The following KCNJ3 variants were observed in gnomAD, a reference collection of about 807,000 sequenced individuals.
The protein encoded by KCNJ3 is potassium inwardly rectifying channel subfamily J member 3, also known as G protein-activated inward rectifier potassium channel 1.
Under a neutral mutation model 39.2 loss-of-function variants are expected in KCNJ3, and 4 were observed. The ratio of observed to expected loss-of-function variants is 0.10; its 90% CI spans 0.05 to 0.23. The LOEUF (loss-of-function observed/expected upper bound fraction) is 0.23, where lower values mean the gene tolerates loss of function less well. Among genes scored for constraint, KCNJ3 ranks in the 10% least tolerant of loss-of-function variants. The pLI is 1.00. For missense variants in KCNJ3, 276 were observed against 634.9 expected, an observed-to-expected ratio of 0.43 and a Z score of 6.08; for synonymous variants, 230 against 237.4, an observed-to-expected ratio of 0.97 and a Z score of 0.29.
intron 2 of KCNJ3, among the ~76,000 whole-genome samples, chr2:154,755,122 A>G (rs549548507): frequency 2.6e-5 from 4 of 152,168 alleles, no homozygotes; most frequent in Admixed American, 1.3e-4. Flanking sequence ...GTGTATTTTT[A>G]ACCTTTTTCT....
chr2:154,787,903 A>G (rs1001937125), intron 2 of KCNJ3, among the ~76,000 whole-genome samples: 23 of 152,142 alleles, frequency 1.5e-4, no homozygotes, highest in African/African-American at 5.1e-4. Flanking sequence ...TTTTATGACA[A>G]TTATTTAACC....
At chr2:154,845,109 A>G (rs982069126) in intron 2 of KCNJ3, among the ~76,000 whole-genome samples, 2 of 152,052 alleles carry the variant, frequency 1.3e-5, no homozygotes, top group Non-Finnish European at 2.9e-5. Flanking sequence ...AATTTATTCT[A>G]TTTTTCTTTT....
rs186187798 is a variant in KCNJ3, at chr2:154,778,208, T to C, written c.919+68389T>C. ...GTTTTTATGACCAAATGCTTATTTG[T>C]AGTTTCACTACTGAAACTCATATTT... On this transcript the variant is annotated intron_variant, in intron 2 of 2. Transcript: ENST00000295101. Among the ~76,000 whole-genome samples the C allele has an allele frequency of 1.2e-4, 18 of 152,304 alleles. No homozygotes were observed. The East Asian group carries it at 2.1e-3, about 18-fold the overall frequency.
chr2:154,794,124 T>C (rs925109324), intron 2 of KCNJ3, among the ~76,000 whole-genome samples: 12 of 151,968 alleles, frequency 7.9e-5, no homozygotes, highest in Non-Finnish European at 1.6e-4. Context: ...TAATATATTC[T>C]ATAATTTTAT....
chr2:154,844,409 C>T (rs1687631525), intron 2 of KCNJ3, among the ~76,000 whole-genome samples: 1 of 152,174 alleles, frequency 6.6e-6, no homozygotes. Context: ...GAGACAGGGA[C>T]CAACTTGAGG....
chr2:154,805,147 A>G (rs1686887759), intron 2 of KCNJ3, among the ~76,000 whole-genome samples: 1 of 152,126 alleles, frequency 6.6e-6, no homozygotes, highest in Non-Finnish European at 1.5e-5. Flanking sequence ...TGTTCAAAAG[A>G]GGTGAATTTA....
At chr2:154,768,982 CTGTT>C (rs1387421917) in intron 2 of KCNJ3, among the ~76,000 whole-genome samples, 1 of 152,100 alleles carries the variant, frequency 6.6e-6, no homozygotes, top group African/African-American at 2.4e-5. Flanking sequence ...ATTTGGCTCT[CTGTT>C]TGTCTGTTAT....
At chr2:154,823,709 C>A (rs1687221679) in intron 2 of KCNJ3, among the ~76,000 whole-genome samples, 1 of 152,098 alleles carries the variant, frequency 6.6e-6, no homozygotes, top group South Asian at 2.1e-4. Flanking sequence ...TCTTACTCAG[C>A]CCAATTTAAA....
At chr2:154,726,523 T>C (rs1467762416) in intron 2 of KCNJ3, among the ~76,000 whole-genome samples, 1 of 152,084 alleles carries the variant, frequency 6.6e-6, no homozygotes, top group African/African-American at 2.4e-5. Flanking sequence ...GAATGTAAAC[T>C]AGTACAACCA....
chr2:154,728,934 G>A (rs1685404925), intron 2 of KCNJ3, among the ~76,000 whole-genome samples: 1 of 152,018 alleles, frequency 6.6e-6, no homozygotes, highest in African/African-American at 2.4e-5. Flanking sequence ...AGTGGGTTTA[G>A]CACATTATCT....
intron 2 of KCNJ3, among the ~76,000 whole-genome samples, chr2:154,724,408 A>AT (rs1685314708): frequency 6.6e-6 from 1 of 152,052 alleles, no homozygotes; most frequent in Non-Finnish European, 1.5e-5. Context: ...ATTCTGCCCT[A>AT]TTTTTTGAAC....
Position 154,723,388 on chromosome 2 carries a change from C to T in KCNJ3, c.919+13569C>T, listed in dbSNP as rs961668743. On this transcript the variant is annotated intron_variant, in intron 2 of 2. Coordinates refer to ENST00000295101, the MANE Select transcript of KCNJ3 (RefSeq NM_002239.4). The stretch of plus-strand genomic sequence containing the variant: ...GTATACGAAGAGGAATAAGATTAAA[C>T]AGTAAGGTGTAAGCTAGAAATGTAT... 6.6e-5 allele frequency among the ~76,000 whole-genome samples: 10 copies of T among 152,206 alleles called. No homozygotes were observed. The South Asian group carries it at 2.1e-3, about 32-fold the overall frequency.
chr2:154,854,921 A>T lies in KCNJ3; in HGVS notation c.1114A>T (p.Ile372Leu), dbSNP rs1239173978. The T allele has an allele frequency of 1.2e-6, 2 of 1,613,930 alleles. No individual in the cohort carries two copies. The highest frequency in any genetic ancestry group is 2.7e-5 in the African/African-American group (2 of 74,908). ...EEMLLMSSPL[I>L]APAITNSKER... ...AATGCTTCTCATGTCGTCCCCTTTA[A>T]TAGCACCAGCCATAACTAACAGCAA... Residue 372 changes from isoleucine to leucine, a missense_variant, in exon 3 of 3, where the codon ATA becomes TTA. Ile to Leu is a conservative substitution (Grantham distance 5). Around this residue, in one of 4 missense-constraint regions of KCNJ3, gnomAD observed 126 missense variants for 179.8 expected, o/e 0.70. Coordinates refer to ENST00000295101, the MANE Select transcript of KCNJ3 (RefSeq NM_002239.4).
At chr2:154,734,561 G>A (rs183411527) in intron 2 of KCNJ3, among the ~76,000 whole-genome samples, 9 of 152,294 alleles carry the variant, frequency 5.9e-5, no homozygotes. Flanking sequence ...ATCTGTTGAT[G>A]GCTAGAATGG....
chr2:154,709,283 TCAAGCAGCAG>T, intron 1 of KCNJ3: 1 of 366,272 alleles, frequency 2.7e-6, no homozygotes, highest in Non-Finnish European at 5.1e-6. Flanking sequence ...GTGATTGCTG[TCAAGCAGCAG>T]CACATGCACA....
At chr2:154,726,612 A>G (rs1360217780) in intron 2 of KCNJ3, among the ~76,000 whole-genome samples, 1 of 152,158 alleles carries the variant, frequency 6.6e-6, no homozygotes, top group African/African-American at 2.4e-5. Flanking sequence ...ACTACTGGGT[A>G]TCTACTCAGA....
intron 2 of KCNJ3, among the ~76,000 whole-genome samples, chr2:154,836,734 A>G (rs752415272): frequency 2.0e-5 from 3 of 152,236 alleles, no homozygotes; most frequent in Admixed American, 6.5e-5. Flanking sequence ...TATAAATAGC[A>G]TAAAAGAAAA....
At chr2:154,751,865 A>C (rs1685850511) in intron 2 of KCNJ3, among the ~76,000 whole-genome samples, 1 of 151,870 alleles carries the variant, frequency 6.6e-6, no homozygotes, top group African/African-American at 2.4e-5. Context: ...TGTGCAACCT[A>C]ATCTTCTCTT....
At chr2:154,815,839 T>C (rs1054751034) in intron 2 of KCNJ3, among the ~76,000 whole-genome samples, 2 of 152,212 alleles carry the variant, frequency 1.3e-5, no homozygotes, top group Non-Finnish European at 2.9e-5. Flanking sequence ...TTTCATTTAC[T>C]GTCCTTTTGC....
Sources: allele counts gnomAD v4.1 joint callset (sites outside exome capture counted in the v4.1 genomes callset), GRCh38; gene constraint gnomAD v4.1.1; regional missense constraint gnomAD v4.1.1; transcripts MANE v1.5; gene names NCBI Gene and HGNC (gene_info 2026-07-23, HGNC 2026-07-21).